Variants in TMEM177 observed in about 807,000 individuals in gnomAD.
TMEM177 encodes transmembrane protein 177.
TMEM177 carries 4 observed loss-of-function variants against 14.2 expected under a neutral mutation model. That is an observed-to-expected ratio of 0.28 (90% CI 0.14 to 0.64). The LOEUF is 0.64. Ranked by LOEUF, TMEM177 falls within the 30% of genes least tolerant of loss-of-function variation. TMEM177 has a pLI of 0.82. For missense variants in TMEM177, 344 were observed against 405.2 expected, an observed-to-expected ratio of 0.85 and a Z score of 1.30; for synonymous variants, 179 against 174.5, an observed-to-expected ratio of 1.03 and a Z score of -0.20.
At chr2:119,685,083 C>T (rs1203221690), downstream of TMEM177, among the ~76,000 whole-genome samples, 1 of 152,170 alleles carries the variant, frequency 6.6e-6, no homozygotes. Context: ...CTCTCCCCAT[C>T]CCAGGTTCAT....
the TMEM177 span, among the ~76,000 whole-genome samples, chr2:119,692,279 A>C: frequency 6.6e-6 from 1 of 152,348 alleles, no homozygotes; most frequent in East Asian, 1.9e-4. Context: ...TCAGTTGAGC[A>C]AGAGGAGATT....
the TMEM177 span, among the ~76,000 whole-genome samples, chr2:119,700,600 G>T: frequency 6.6e-6 from 1 of 152,148 alleles, no homozygotes; most frequent in African/African-American, 2.4e-5. Flanking sequence ...CTTACCTACA[G>T]TTGCACCCAC....
the TMEM177 span, among the ~76,000 whole-genome samples, chr2:119,719,961 T>C: frequency 6.6e-6 from 1 of 151,980 alleles, no homozygotes; most frequent in South Asian, 2.1e-4. Context: ...ACCTGGCTAA[T>C]TTTTTATCTT....
rs1031012141 is a variant in TMEM177 at position 119,681,932 on chromosome 2, T to A, written c.*143T>A. ...GAATTAAATAGCTTAGATTGTACTA[T>A]AACCACTACTTATGAACTCAGGGAC... On this transcript the variant is annotated 3_prime_UTR_variant, in exon 2 of 2. Transcript: ENST00000272521. 2.9e-6 allele frequency: 2 copies of A among 700,772 alleles called. No individual in the cohort carries two copies. Among genetic ancestry groups the A allele is most frequent in the Admixed American group, 5.8e-5 (2 of 34,776 alleles). The allele number at this position is 700,772 out of a possible 1,614,324, so 43.4% of individuals were successfully genotyped here. A position where few individuals can be genotyped will look rare whatever the true frequency, so the allele number is the denominator to read the frequency against.
the TMEM177 span, among the ~76,000 whole-genome samples, chr2:119,695,416 T>C: frequency 6.6e-6 from 1 of 152,252 alleles, no homozygotes; most frequent in African/African-American, 2.4e-5. Flanking sequence ...TGCTTCCTTG[T>C]CTGTCTCTCC....
At chr2:119,693,086 A>G in the TMEM177 span, among the ~76,000 whole-genome samples, 6 of 151,594 alleles carry the variant, frequency 4.0e-5, 1 homozygote, top group Admixed American at 3.9e-4. Context: ...TGGGGCCGGC[A>G]TGGGGACCTG....
At chr2:119,702,980 G>C in the TMEM177 span, among the ~76,000 whole-genome samples, 43 of 152,328 alleles carry the variant, frequency 2.8e-4, no homozygotes, top group African/African-American at 4.6e-4. Flanking sequence ...GCAGGAGCCC[G>C]CTGGGCACTG....
At chr2:119,712,801 G>A in the TMEM177 span, among the ~76,000 whole-genome samples, 1 of 152,132 alleles carries the variant, frequency 6.6e-6, no homozygotes, top group Non-Finnish European at 1.5e-5. Flanking sequence ...CTGCAGCCTG[G>A]ACTGCTCCCA....
rs150982620 is a variant in TMEM177 at position 119,681,678 on chromosome 2, C to A, written c.825C>A (p.Ser275Arg). Residue 275 changes from serine to arginine, a missense_variant, in exon 2 of 2, where the codon AGC (serine) becomes AGA (arginine). By Grantham distance (110) the Ser-to-Arg change is moderately radical. Coordinates refer to ENST00000272521, the MANE Select transcript of TMEM177 (RefSeq NM_030577.3). ...ACGGGGAGAAGCTGTATACACCCAGCGGGAACATCGTCCCCAGACACTTGT... is the reference window on the plus strand; with the variant it reads ...ACGGGGAGAAGCTGTATACACCCAGAGGGAACATCGTCCCCAGACACTTGT... ...GKDGEKLYTPSGNIVPRHLFR... is the reference protein window; with the variant it reads ...GKDGEKLYTPRGNIVPRHLFR... The A allele has an allele frequency of 4.5e-5, 72 of 1,614,058 alleles. No homozygotes were observed. The highest frequency in any genetic ancestry group is 5.9e-5 in the Non-Finnish European group (70 of 1,180,046).
At position 119,681,563 on chromosome 2, in the gene TMEM177, C is replaced by T. The variant is rs1308786079; in HGVS notation, c.710C>T (p.Ser237Phe). 11 of 1,614,068 alleles carry T rather than the reference C, an allele frequency of 6.8e-6. No homozygotes were observed. The highest frequency in any genetic ancestry group is 3.3e-5 in the Admixed American group (2 of 60,012). ...VESWLDRRTA[S>F]LSAAYACGGV... ...TCCTGGCTGGACCGCCGCACGGCCT[C>T]CCTCTCTGCAGCCTATGCCTGTGGT... The change falls in exon 2 of 2, where the codon TCC becomes TTC. Residue 237 changes from serine to phenylalanine, a missense_variant. Physicochemically the swap from Ser to Phe is radical, Grantham distance 155 (BLOSUM62 -2). Coordinates refer to ENST00000272521, the MANE Select transcript of TMEM177 (RefSeq NM_030577.3).
chr2:119,682,115 C>A lies in TMEM177; in HGVS notation c.*326C>A. The A allele has an allele frequency of 4.4e-6, 1 of 227,694 alleles. No homozygotes were observed. The highest frequency in any genetic ancestry group is 8.9e-6 in the Non-Finnish European group (1 of 112,478). The allele number at this position is 227,694 out of a possible 1,614,324, so 14.1% of individuals were successfully genotyped here. A position where few individuals can be genotyped will look rare whatever the true frequency, so the allele number is the denominator to read the frequency against. ...GCACTGTAAATAAACAGACATCCCTCCTTCTTGGTCGTTTTTTTTTTTTTT... is the reference window on the plus strand; with the variant it reads ...GCACTGTAAATAAACAGACATCCCTACTTCTTGGTCGTTTTTTTTTTTTTT... On this transcript the variant is annotated 3_prime_UTR_variant, in exon 2 of 2. Coordinates refer to ENST00000272521, the MANE Select transcript of TMEM177 (RefSeq NM_030577.3).
At chr2:119,693,894 T>TA in the TMEM177 span, among the ~76,000 whole-genome samples, 2 of 3,144 alleles carry the variant, frequency 6.4e-4, no homozygotes, top group Non-Finnish European at 1.3e-3. Context: ...ACATACCACA[T>TA]ACACCACACA....
Position 119,681,806 on chromosome 2 carries a change from A to C in TMEM177, c.*17A>C. The C allele has an allele frequency of 2.5e-6, 4 of 1,602,676 alleles. No individual in the cohort carries two copies. The highest frequency in any genetic ancestry group is 3.4e-6 in the Non-Finnish European group (4 of 1,172,888). On this transcript the variant is annotated 3_prime_UTR_variant, in exon 2 of 2. Coordinates refer to ENST00000272521, the MANE Select transcript of TMEM177 (RefSeq NM_030577.3). ...CGCTCCTGATGGGCTCATCACAAGG[A>C]CACTTCCAGCTTGTGCAGACACCAC... is the stretch of plus-strand genomic sequence containing the variant.
chr2:119,703,166 T>C, the TMEM177 span, among the ~76,000 whole-genome samples: 1 of 152,256 alleles, frequency 6.6e-6, no homozygotes, highest in Non-Finnish European at 1.5e-5. Flanking sequence ...GTTAGACTTT[T>C]ATCCCTCAGC....
chr2:119,722,688 A>G, the TMEM177 span, among the ~76,000 whole-genome samples: 2 of 152,256 alleles, frequency 1.3e-5, no homozygotes, highest in Non-Finnish European at 1.5e-5. Flanking sequence ...AACTAAATGC[A>G]TAGTATTTGA....
downstream of TMEM177, among the ~76,000 whole-genome samples, chr2:119,690,409 T>G (rs1240336182): frequency 6.6e-6 from 1 of 152,206 alleles, no homozygotes; most frequent in African/African-American, 2.4e-5. Context: ...TTTATAAATT[T>G]ACCCAGTCTC....
At chr2:119,712,594 G>C in the TMEM177 span, among the ~76,000 whole-genome samples, 1 of 152,180 alleles carries the variant, frequency 6.6e-6, no homozygotes, top group Non-Finnish European at 1.5e-5. Flanking sequence ...AGGGGCCTCA[G>C]GAGAAACCAG....
At chr2:119,707,179 G>C in the TMEM177 span, among the ~76,000 whole-genome samples, 1 of 152,166 alleles carries the variant, frequency 6.6e-6, no homozygotes, top group Non-Finnish European at 1.5e-5. Context: ...ATGAGCCACT[G>C]CGCCCGGCCT....
In TMEM177 at chr2:119,679,240, G is replaced by C. The variant is rs940301969; in HGVS notation, c.-59G>C. 6.6e-6 allele frequency: 1 copy of C among 152,232 alleles called. No homozygotes were observed. Among genetic ancestry groups the C allele is most frequent in the African/African-American group, 2.4e-5 (1 of 41,460 alleles). The allele number at this position is 152,232 out of a possible 1,614,324, so 9.4% of individuals were successfully genotyped here. A position where few individuals can be genotyped will look rare whatever the true frequency, so the allele number is the denominator to read the frequency against. ...CGGCGGCGGAGGTGAGCGCACGGAC[G>C]AGCGGGAGGGACCCTTCTCCGGCCT... On this transcript the variant is annotated 5_prime_UTR_variant, in exon 1 of 2. Transcript: ENST00000272521.
Sources: allele counts gnomAD v4.1 joint callset (sites outside exome capture counted in the v4.1 genomes callset), GRCh38; gene constraint gnomAD v4.1.1; transcripts MANE v1.5; gene names NCBI Gene and HGNC (gene_info 2026-07-23, HGNC 2026-07-21).